Variants in MLXIP observed in about 807,000 individuals in gnomAD.
MLXIP encodes MLX interacting protein.
MLXIP carries 30 observed loss-of-function variants against 87.2 expected under a neutral mutation model. That is an observed-to-expected ratio of 0.34 (90% CI 0.26 to 0.47). The LOEUF (loss-of-function observed/expected upper bound fraction) is 0.47. Among genes scored for constraint, MLXIP ranks in the 20% least tolerant of loss-of-function variants. MLXIP has a pLI of 1.00. For synonymous variants in MLXIP, 530 were observed against 514.0 expected (o/e 1.03, Z -0.42); for missense variants, 1,002 against 1,240.1 (o/e 0.81, Z 2.88).
Position 122,135,715 on chromosome 12 carries a change from T to C in MLXIP, c.2032+49T>C. On this transcript the variant is annotated intron_variant, in intron 11 of 16. Transcript: ENST00000319080. The surrounding 1 kb of genome is among the most constrained non-coding windows in gnomAD (Gnocchi z 5.3). ...GTTGGGGCATCGCAAGGGAAGTAAC[T>C]GGGCCTGCCGTAGACCATGGGGGGT... is the stretch of plus-strand genomic sequence containing the variant. 6.9e-7 allele frequency: 1 copy of C among 1,451,272 alleles called. No homozygotes were observed. The allele number at this position is 1,451,272 out of a possible 1,614,324, so 89.9% of individuals were successfully genotyped here. A position where few individuals can be genotyped will look rare whatever the true frequency, so the allele number is the denominator to read the frequency against.
rs550614186 is a variant in MLXIP, at chr12:122,141,630, G to A, written c.2639-61G>A. On this transcript the variant is annotated intron_variant, in intron 16 of 16. Transcript: ENST00000319080. ...CCACATGGGTTGTAGGTACAAAGCC[G>A]AGTGTGCGGTGTGTGGTGGGTCTGT... The A allele has an allele frequency of 2.9e-4, 454 of 1,590,858 alleles. 1 individual carries two copies. The highest frequency in any genetic ancestry group is 3.6e-4 in the Non-Finnish European group (416 of 1,167,018).
chr12:122,138,078 C>A, intron 12 of MLXIP, 116 bp from the exon 13 acceptor site: 1 of 819,440 alleles, frequency 1.2e-6, no homozygotes, highest in Non-Finnish European at 1.9e-6. Flanking sequence ...TGCCCTCCTC[C>A]CACGTAGCTC....
At chr12:122,118,153 A>G (rs1952720624) in intron 1 of MLXIP, among the ~76,000 whole-genome samples, 1 of 152,182 alleles carries the variant, frequency 6.6e-6, no homozygotes, top group African/African-American at 2.4e-5. Flanking sequence ...GTGGGTGGCA[A>G]CTACAGTGTG....
intron 1 of MLXIP, among the ~76,000 whole-genome samples, chr12:122,091,073 T>A (rs555006302): frequency 9.9e-5 from 15 of 152,248 alleles, no homozygotes; most frequent in Admixed American, 2.6e-4. Flanking sequence ...TGAAAACCAC[T>A]GAACACTTTT....
rs1268461640 is a variant in MLXIP at position 122,114,866 on chromosome 12, C to T, written c.414-12390C>T. The stretch of plus-strand genomic sequence containing the variant: ...GTTCAAGCGATTCTCCTGCTTCAGC[C>T]TCCTGAGTAGCTGGGATTACAGGTA... On this transcript the variant is annotated intron_variant, in intron 1 of 16. Transcript: ENST00000319080. Among the ~76,000 whole-genome samples, 5 of 152,010 alleles carry T rather than the reference C, an allele frequency of 3.3e-5. No homozygotes were observed. In the East Asian group the frequency reaches 9.7e-4, roughly 29 times the overall value.
At chr12:122,122,690 C>T (rs557100704) in intron 1 of MLXIP, among the ~76,000 whole-genome samples, 2 of 151,922 alleles carry the variant, frequency 1.3e-5, no homozygotes, top group African/African-American at 2.4e-5. Flanking sequence ...TACAGGCGCC[C>T]GCCACCACGA....
intron 1 of MLXIP, among the ~76,000 whole-genome samples, chr12:122,118,567 G>T (rs1289064566): frequency 6.6e-6 from 1 of 152,158 alleles, no homozygotes; most frequent in Non-Finnish European, 1.5e-5. Flanking sequence ...GCCATACCAG[G>T]CCGGGCGCAG....
chr12:122,137,242 CA>C lies in MLXIP; in HGVS notation c.2033-226del. The stretch of plus-strand genomic sequence containing the variant: ...TGGAACACGTCACACAGGGTTGCTC[CA>C]TCGTGTTCTGTGTGGATTAAGGGTG... On this transcript the variant is annotated intron_variant, in intron 11 of 16. Coordinates refer to ENST00000319080, the MANE Select transcript of MLXIP (RefSeq NM_014938.6). The surrounding 1 kb of genome is among the most constrained non-coding windows in gnomAD (Gnocchi z 4.1). The C allele has an allele frequency of 2.5e-6, 1 of 392,726 alleles. No individual in the cohort carries two copies. The highest frequency in any genetic ancestry group is 4.4e-6 in the Non-Finnish European group (1 of 224,784). The allele number at this position is 392,726 out of a possible 1,614,324, so 24.3% of individuals were successfully genotyped here. A position where few individuals can be genotyped will look rare whatever the true frequency, so the allele number is the denominator to read the frequency against.
rs1952364806 is a variant in MLXIP, at chr12:122,097,108, A to G, written c.413+17842A>G. ...TGGGCCTGTCTGTCCTAACACTTGC[A>G]TTGTCAGAAGAGTGCTCGGCAGAGG... On this transcript the variant is annotated intron_variant, in intron 1 of 16. Coordinates refer to ENST00000319080, the MANE Select transcript of MLXIP (RefSeq NM_014938.6). Among the ~76,000 whole-genome samples the G allele has an allele frequency of 3.3e-5, 5 of 152,294 alleles. No homozygotes were observed. The South Asian group carries it at 1.0e-3, about 32-fold the overall frequency.
chr12:122,142,022 C>A lies in MLXIP; in HGVS notation c.*210C>A. 2.8e-6 allele frequency: 2 copies of A among 707,790 alleles called. No homozygotes were observed. The highest frequency in any genetic ancestry group is 2.4e-6 in the Non-Finnish European group (1 of 419,646). 43.8% of individuals were successfully genotyped at this position (707,790 alleles called of 1,614,324 possible). ...ATAGCCCGCCTTTGGGAACCCCTTGCTGTGAACTCTCTCACTCAGTGACCT... is the reference window on the plus strand; with the variant it reads ...ATAGCCCGCCTTTGGGAACCCCTTGATGTGAACTCTCTCACTCAGTGACCT... On this transcript the variant is annotated 3_prime_UTR_variant, in exon 17 of 17. Transcript: ENST00000319080.
intron 1 of MLXIP, among the ~76,000 whole-genome samples, chr12:122,089,480 A>G (rs1203925253): frequency 2.6e-5 from 4 of 152,230 alleles, no homozygotes; most frequent in African/African-American, 9.6e-5. Flanking sequence ...TTTGTCTTTA[A>G]ATTATCAAGC....
At chr12:122,116,591 C>A (rs983420522) in intron 1 of MLXIP, among the ~76,000 whole-genome samples, 7 of 152,228 alleles carry the variant, frequency 4.6e-5, no homozygotes, top group Admixed American at 2.0e-4. Flanking sequence ...AAACCTAGGA[C>A]TCTGGCTTTA....
Position 122,142,034 on chromosome 12 carries a change from T to C in MLXIP, c.*222T>C, listed in dbSNP as rs939142577. The C allele has an allele frequency of 4.2e-5, 29 of 692,164 alleles. No homozygotes were observed. The highest frequency in any genetic ancestry group is 5.7e-5 in the Non-Finnish European group (23 of 401,442). The allele number at this position is 692,164 out of a possible 1,614,324, so 42.9% of individuals were successfully genotyped here. On this transcript the variant is annotated 3_prime_UTR_variant, in exon 17 of 17. Coordinates refer to ENST00000319080, the MANE Select transcript of MLXIP (RefSeq NM_014938.6). ...TGGGAACCCCTTGCTGTGAACTCTC[T>C]CACTCAGTGACCTCAGTCACCAACC... is the stretch of plus-strand genomic sequence containing the variant.
intron 7 of MLXIP, among the ~76,000 whole-genome samples, chr12:122,131,191 A>G (rs1225233715): frequency 6.6e-6 from 1 of 152,058 alleles, no homozygotes; most frequent in South Asian, 2.1e-4. Flanking sequence ...AGCAGAGGGC[A>G]CTGATGACAC....
intron 15 of MLXIP, 132 bp from the exon 16 acceptor site, chr12:122,140,822 C>G: frequency 2.2e-6 from 3 of 1,388,380 alleles, no homozygotes; most frequent in Non-Finnish European, 3.1e-6. Flanking sequence ...CCCTCTTTTC[C>G]CCAGTGATCC....
At chr12:122,093,287 CTGTA>C (rs1412372592) in intron 1 of MLXIP, among the ~76,000 whole-genome samples, 104 of 124,500 alleles carry the variant, frequency 8.4e-4, no homozygotes, top group African/African-American at 3.2e-3. Flanking sequence ...TTTGTGCTGT[CTGTA>C]TGTAGTGTGT....
chr12:122,092,059 CCTTTCTTTTT>C lies in MLXIP; in HGVS notation c.413+12808_413+12817del, dbSNP rs557130298. Reference sequence around the variant, plus strand: ...CTGGCACAAGAAATATTTTTTTTCCCCTTTCTTTTTCTTTCTTTTTCTTTTCTTTTCTTTT... The same window carrying C: ...CTGGCACAAGAAATATTTTTTTTCCCCTTTCTTTTTCTTTTCTTTTCTTTT... On this transcript the variant is annotated intron_variant, in intron 1 of 16. Transcript: ENST00000319080. Among the ~76,000 whole-genome samples the C allele has an allele frequency of 1.9e-3, 292 of 151,874 alleles. 2 individuals carry two copies. The South Asian group carries it at 0.023, about 12-fold the overall frequency.
chr12:122,133,319 G>GCTT lies in MLXIP; in HGVS notation c.1093-27_1093-25dup, dbSNP rs752662302. 10 of 1,531,180 alleles carry GCTT rather than the reference G, an allele frequency of 6.5e-6. No individual in the cohort carries two copies. In the Admixed American group the frequency reaches 1.8e-4, roughly 28 times the overall value. 94.8% of individuals were successfully genotyped at this position (1,531,180 alleles called of 1,614,324 possible). ...AAAGGAATTGTCTGACCCCAGCATT[G>GCTT]CTTCCTGGCTCCTTTCTTCCTTTTT... On this transcript the variant is annotated intron_variant, in intron 8 of 16. Coordinates refer to ENST00000319080, the MANE Select transcript of MLXIP (RefSeq NM_014938.6). This position sits in a 1 kb window ranked among gnomAD's most constrained non-coding sequence, Gnocchi z 4.9.
At chr12:122,121,423 A>G (rs904500498) in intron 1 of MLXIP, among the ~76,000 whole-genome samples, 2 of 146,078 alleles carry the variant, frequency 1.4e-5, no homozygotes, top group Non-Finnish European at 3.0e-5. Flanking sequence ...ACGTGCCACC[A>G]TGCCTGACTA....
Sources: gnomAD v4.1 joint callset for allele counts (sites outside exome capture counted in the v4.1 genomes callset) on GRCh38, gnomAD v4.1.1 for gene constraint, Gnocchi (gnomAD v3.1) non-coding constraint, MANE v1.5 for transcripts, NCBI Gene and HGNC (gene_info 2026-07-23, HGNC 2026-07-21) for gene names.